Variants in PCDH15 observed in about 807,000 individuals in gnomAD.
The protein encoded by PCDH15 is protocadherin-15.
Under a neutral mutation model 178.5 loss-of-function variants are expected in PCDH15, and 129 were observed. That is an observed-to-expected ratio of 0.72 (90% CI 0.63 to 0.84). PCDH15 has a LOEUF of 0.84. Ranked by LOEUF, PCDH15 falls within the 40% of genes least tolerant of loss-of-function variation. The pLI is 0.00. For missense variants in PCDH15, 2,230 were observed against 2,099.9 expected, an observed-to-expected ratio of 1.06 and a Z score of -1.21; for synonymous variants, 800 against 732.0, an observed-to-expected ratio of 1.09 and a Z score of -1.50.
intron 11 of PCDH15, among the ~76,000 whole-genome samples, chr10:54,189,799 TAAC>T (rs975694650): frequency 3.9e-5 from 6 of 152,088 alleles, no homozygotes; most frequent in Non-Finnish European, 7.4e-5. Context: ...ACATGCCTCT[TAAC>T]ACCTTGTGCC....
At chr10:53,951,514 C>T (rs1425725142) in intron 23 of PCDH15, among the ~76,000 whole-genome samples, 1 of 152,166 alleles carries the variant, frequency 6.6e-6, no homozygotes, top group Non-Finnish European at 1.5e-5. Flanking sequence ...ACACTAATAT[C>T]ATTGTTATAT....
intron 2 of PCDH15, among the ~76,000 whole-genome samples, chr10:54,624,165 G>C (rs118093477): frequency 1.3e-5 from 2 of 152,052 alleles, no homozygotes; most frequent in African/African-American, 4.8e-5. Flanking sequence ...ACTTATACAC[G>C]TGTTTGGCTA....
chr10:55,372,869 C>T (rs563650029), intron 2 of PCDH15, among the ~76,000 whole-genome samples: 1 of 152,116 alleles, frequency 6.6e-6, no homozygotes, highest in Non-Finnish European at 1.5e-5. Flanking sequence ...CATATATCCA[C>T]GTAAAAACAT....
intron 2 of PCDH15, among the ~76,000 whole-genome samples, chr10:55,136,907 A>C (rs1404046310): frequency 2.0e-5 from 3 of 152,178 alleles, no homozygotes; most frequent in Admixed American, 2.0e-4. Context: ...TCAGTTCTGC[A>C]AAGTGCCTCC....
intron 1 of PCDH15, among the ~76,000 whole-genome samples, chr10:54,666,383 C>T (rs2094571981): frequency 6.6e-6 from 1 of 152,038 alleles, no homozygotes; most frequent in South Asian, 2.1e-4. Flanking sequence ...GAGTAAGACA[C>T]TTCTGCTCAT....
At chr10:55,479,491 A>G (rs1369301469) in intron 2 of PCDH15, among the ~76,000 whole-genome samples, 4 of 151,478 alleles carry the variant, frequency 2.6e-5, no homozygotes, top group Non-Finnish European at 4.4e-5. Context: ...ATTCCCAACT[A>G]ATTATTTATA....
chr10:54,914,024 T>C (rs555592359), intron 2 of PCDH15, among the ~76,000 whole-genome samples: 3 of 152,206 alleles, frequency 2.0e-5, no homozygotes, highest in Admixed American at 2.0e-4. Context: ...ACTGTGAACT[T>C]TTGAGTTTGT....
intron 3 of PCDH15, among the ~76,000 whole-genome samples, chr10:54,435,787 G>C (rs991793714): frequency 6.6e-6 from 1 of 151,840 alleles, no homozygotes; most frequent in Non-Finnish European, 1.5e-5. Context: ...TGGCTAACAC[G>C]GTGAAACCCC....
chr10:54,011,668 A>C (rs984596536), intron 20 of PCDH15, among the ~76,000 whole-genome samples: 2 of 152,148 alleles, frequency 1.3e-5, no homozygotes, highest in Admixed American at 1.3e-4. Flanking sequence ...CACAGCCCAA[A>C]CTTTACTATT....
At chr10:54,830,954 A>G (rs1275180950) in intron 3 of PCDH15, among the ~76,000 whole-genome samples, 2 of 152,062 alleles carry the variant, frequency 1.3e-5, no homozygotes, top group South Asian at 2.1e-4. Context: ...AACAGTTAAC[A>G]ACAAAATCAA....
chr10:54,544,512 C>T (rs1025993796), intron 2 of PCDH15, among the ~76,000 whole-genome samples: 23 of 152,266 alleles, frequency 1.5e-4, no homozygotes, highest in East Asian at 3.9e-4. Flanking sequence ...TCTATACAGA[C>T]GCCTGCAATT....
At chr10:55,522,328 C>A (rs1841196110) in intron 2 of PCDH15, among the ~76,000 whole-genome samples, 1 of 151,614 alleles carries the variant, frequency 6.6e-6, no homozygotes, top group Admixed American at 6.6e-5. Flanking sequence ...TTCTATAGAT[C>A]CATTTTTTTC....
chr10:55,083,094 G>A (rs1026692940), intron 2 of PCDH15, among the ~76,000 whole-genome samples: 34 of 151,194 alleles, frequency 2.2e-4, no homozygotes, highest in African/African-American at 7.8e-4. Flanking sequence ...AAAAAGATAC[G>A]TCAAATAGAA....
chr10:53,807,057 G>A lies in PCDH15; in HGVS notation c.4745C>T (p.Ala1582Val), dbSNP rs771718753. The A allele has an allele frequency of 2.5e-6, 4 of 1,613,136 alleles. No homozygotes were observed. The highest frequency in any genetic ancestry group is 1.3e-5 in the African/African-American group (1 of 74,560). The change falls in exon 38 of 38, where the codon GCT (alanine) becomes GTT (valine). Residue 1582 changes from alanine to valine, a missense_variant. By Grantham distance (64) the Ala-to-Val change is moderately conservative. Coordinates refer to ENST00000644397, the MANE Select transcript of PCDH15 (RefSeq NM_001384140.1). The part of the protein sequence containing the change: ...YETSSTGEDS[A>V]PECQRNRLHH... The stretch of plus-strand genomic sequence containing the variant: ...AAGACGGTTTCTCTGACATTCAGGA[G>A]CACTGTCTTCTCCAGTTGAGCTGGT...
rs150374279 is a variant in PCDH15, at chr10:55,417,715, G to A, written c.-156+209910C>T. 1.5e-3 allele frequency among the ~76,000 whole-genome samples: 226 copies of A among 150,774 alleles called. 1 individual carries two copies. Among genetic ancestry groups the A allele is most frequent in the African/African-American group, 5.0e-3 (208 of 41,214 alleles). ...AGGACTCAGAAAATTTATTTGCTGG[G>A]ATCCATTTTTAAAGTCTTACTTGAG... On this transcript the variant is annotated intron_variant, in intron 2 of 5. Transcript: ENST00000613346.
At chr10:54,599,890 GA>G in intron 2 of PCDH15, 1 of 706,124 alleles carries the variant, frequency 1.4e-6, no homozygotes, top group Non-Finnish European at 2.5e-6. Context: ...AGCTAAAGAG[GA>G]AAAGAAAGTT....
chr10:55,150,662 A>G (rs935726775), intron 2 of PCDH15, among the ~76,000 whole-genome samples: 2 of 152,152 alleles, frequency 1.3e-5, no homozygotes, highest in African/African-American at 4.8e-5. Context: ...ATGCGTAATA[A>G]TGACAATGTC....
chr10:54,379,750 T>C (rs1230470500), intron 3 of PCDH15, among the ~76,000 whole-genome samples: 3 of 152,130 alleles, frequency 2.0e-5, no homozygotes, highest in Non-Finnish European at 4.4e-5. Context: ...ATGATCTCTT[T>C]GCCAAATAAT....
intron 8 of PCDH15, among the ~76,000 whole-genome samples, chr10:54,241,382 A>C (rs976415441): frequency 6.6e-6 from 1 of 152,208 alleles, no homozygotes; most frequent in Non-Finnish European, 1.5e-5. Flanking sequence ...GGAAAGTATC[A>C]AAATGTTCCT....
Sources: gnomAD v4.1 joint callset for allele counts (sites outside exome capture counted in the v4.1 genomes callset) on GRCh38, gnomAD v4.1.1 for gene constraint, MANE v1.5 for transcripts, NCBI Gene and HGNC (gene_info 2026-07-23, HGNC 2026-07-21) for gene names.